JAM3: variants seen among roughly 807,000 people sequenced by gnomAD.
JAM3 encodes the protein junctional adhesion molecule C.
In JAM3, 31 loss-of-function variants were observed where a neutral mutation model predicts 39.4. The observed-to-expected ratio is 0.79, with a 90% CI of 0.59 to 1.06. The LOEUF is 1.06. JAM3 is among the 50% of genes least tolerant of loss of function. The pLI is 0.00. For missense variants in JAM3, 455 were observed against 391.4 expected, an observed-to-expected ratio of 1.16 and a Z score of -1.37; for synonymous variants, 182 against 148.7, an observed-to-expected ratio of 1.22 and a Z score of -1.63.
chr11:134,089,658 ATAG>A, intron 1 of JAM3, among the ~76,000 whole-genome samples: 1 of 152,290 alleles, frequency 6.6e-6, no homozygotes, highest in Admixed American at 6.5e-5. Context: ...TTATGGCTGC[ATAG>A]TATTCCATGA....
intron 1 of JAM3, among the ~76,000 whole-genome samples, chr11:134,081,824 C>T (rs888445679): frequency 5.9e-5 from 9 of 152,340 alleles, no homozygotes; most frequent in Admixed American, 5.9e-4. Flanking sequence ...TTGCACTGTG[C>T]ACCTGGAAAA....
intron 1 of JAM3, among the ~76,000 whole-genome samples, chr11:134,122,382 T>G (rs1296434715): frequency 6.6e-6 from 1 of 152,220 alleles, no homozygotes; most frequent in Admixed American, 6.5e-5. Context: ...CAAGAGCCCC[T>G]GATGGTACCC....
At position 134,146,023 on chromosome 11, in the gene JAM3, T is replaced by C; in HGVS notation, c.690T>C (p.Cys230=). 2 of 1,613,776 alleles carry C rather than the reference T, an allele frequency of 1.2e-6. No homozygotes were observed. Among genetic ancestry groups the C allele is most frequent in the Non-Finnish European group, 1.7e-6 (2 of 1,179,692 alleles). The change falls in exon 6 of 9, where the codon TGT becomes TGC. Residue 230 remains cysteine, a synonymous_variant. Coordinates refer to ENST00000299106, the MANE Select transcript of JAM3 (RefSeq NM_032801.5). ...CCAATGACGCAGGCTCAGCCAGGTG[T>C]GAGGAGCAGGAGATGGAAGTCTGTG... The part of the protein sequence containing the change: ...IASNDAGSAR[C]EEQEMEVYDL...
At chr11:134,104,089 A>G (rs563065244) in intron 1 of JAM3, among the ~76,000 whole-genome samples, 9 of 152,356 alleles carry the variant, frequency 5.9e-5, no homozygotes, top group Non-Finnish European at 1.3e-4. Flanking sequence ...TTATTCCAAA[A>G]TTGACCACAT....
At chr11:134,085,789 A>C (rs1388038916) in intron 1 of JAM3, among the ~76,000 whole-genome samples, 2 of 152,206 alleles carry the variant, frequency 1.3e-5, no homozygotes, top group Non-Finnish European at 2.9e-5. Context: ...ATACATACAA[A>C]TATTCATTGA....
At chr11:134,121,821 G>GCACACA (rs1555117431) in intron 1 of JAM3, among the ~76,000 whole-genome samples, 2 of 148,422 alleles carry the variant, frequency 1.3e-5, no homozygotes, top group African/African-American at 2.5e-5. Flanking sequence ...GCATGTGTGC[G>GCACACA]CACACACACA....
At chr11:134,107,726 G>T (rs529695662) in intron 1 of JAM3, among the ~76,000 whole-genome samples, 1 of 152,056 alleles carries the variant, frequency 6.6e-6, no homozygotes, top group African/African-American at 2.4e-5. Flanking sequence ...AGCCAGGCAT[G>T]GTGGTAGATG....
intron 6 of JAM3, chr11:134,148,263 T>C: frequency 2.2e-6 from 1 of 464,868 alleles, no homozygotes. Context: ...AGCCAGAGGA[T>C]TTTTAAGCCT....
intron 1 of JAM3, among the ~76,000 whole-genome samples, chr11:134,115,856 C>G (rs1942419650): frequency 6.6e-6 from 1 of 152,036 alleles, no homozygotes; most frequent in African/African-American, 2.4e-5. Flanking sequence ...ATGATTGCGC[C>G]ACTACACTCA....
Position 134,139,822 on chromosome 11 carries a change from C to G in JAM3, c.77-29C>G, listed in dbSNP as rs1396549764. Reference sequence around the variant, plus strand: ...TTCTCTGCCGTTTGAGATACATTGTCTCTGATTTTACTTTTCTTTCTCCTT... The same window carrying G: ...TTCTCTGCCGTTTGAGATACATTGTGTCTGATTTTACTTTTCTTTCTCCTT... On this transcript the variant is annotated intron_variant, in intron 1 of 8. Transcript: ENST00000299106. 2.5e-6 allele frequency: 4 copies of G among 1,586,624 alleles called. No homozygotes were observed. The South Asian group carries it at 3.3e-5, about 13-fold the overall frequency.
intron 1 of JAM3, among the ~76,000 whole-genome samples, chr11:134,097,972 G>T (rs1328466727): frequency 6.6e-6 from 1 of 152,038 alleles, no homozygotes; most frequent in African/African-American, 2.4e-5. Flanking sequence ...AAATTGTGAG[G>T]ACTATATTCT....
At chr11:134,123,775 G>C in intron 1 of JAM3, 5 of 693,542 alleles carry the variant, frequency 7.2e-6, no homozygotes, top group Non-Finnish European at 1.1e-5. Context: ...AGGTACCAAG[G>C]GTTCCCTCTA....
At chr11:134,120,503 C>T (rs963660250) in intron 1 of JAM3, among the ~76,000 whole-genome samples, 1 of 152,172 alleles carries the variant, frequency 6.6e-6, no homozygotes, top group Non-Finnish European at 1.5e-5. Flanking sequence ...TTTAATTTTT[C>T]GTGGAAAGCT....
intron 1 of JAM3, among the ~76,000 whole-genome samples, chr11:134,115,305 C>A (rs913160271): frequency 6.6e-6 from 1 of 152,094 alleles, no homozygotes; most frequent in Non-Finnish European, 1.5e-5. Flanking sequence ...AGGAGAAAAT[C>A]TAATCTAACA....
intron 1 of JAM3, among the ~76,000 whole-genome samples, chr11:134,130,907 A>G (rs1009865384): frequency 6.6e-6 from 1 of 152,218 alleles, no homozygotes; most frequent in Non-Finnish European, 1.5e-5. Flanking sequence ...GGGCACTGCT[A>G]TTAAAAGCTA....
chr11:134,135,533 C>T (rs958896252), intron 1 of JAM3, among the ~76,000 whole-genome samples: 9 of 148,054 alleles, frequency 6.1e-5, no homozygotes, highest in African/African-American at 2.1e-4. Context: ...TTTTATCTAT[C>T]CTTTTTTTTT....
At chr11:134,121,522 G>A (rs145777754) in intron 1 of JAM3, among the ~76,000 whole-genome samples, 2 of 151,928 alleles carry the variant, frequency 1.3e-5, no homozygotes, top group African/African-American at 4.8e-5. Context: ...TTCTTTAAAA[G>A]GGTTCAGGGT....
chr11:134,127,354 C>G (rs1480478581), intron 1 of JAM3, among the ~76,000 whole-genome samples: 2 of 152,132 alleles, frequency 1.3e-5, no homozygotes, highest in Non-Finnish European at 2.9e-5. Flanking sequence ...GTCTGATGGC[C>G]CTGGTTTCAA....
intron 1 of JAM3, among the ~76,000 whole-genome samples, chr11:134,075,047 CAG>C (rs1164849838): frequency 7.3e-6 from 1 of 137,430 alleles, no homozygotes; most frequent in African/African-American, 2.7e-5. Flanking sequence ...GCATCTCTGT[CAG>C]GGTACTGAAA....
Sources: allele counts gnomAD v4.1 joint callset (sites outside exome capture counted in the v4.1 genomes callset), GRCh38; gene constraint gnomAD v4.1.1; transcripts MANE v1.5; gene names NCBI Gene and HGNC (gene_info 2026-07-23, HGNC 2026-07-21).